The following ADAMTSL3 variants were observed in gnomAD, a reference collection of about 807,000 sequenced individuals.
ADAMTSL3 encodes the protein ADAMTS like 3, also known as ADAMTS-like protein 3.
ADAMTSL3 carries 128 observed loss-of-function variants against 201.7 expected under a neutral mutation model. The observed-to-expected ratio is 0.63, with a 90% CI of 0.55 to 0.73. The LOEUF is 0.73. Ranked by LOEUF, ADAMTSL3 falls within the 30% of genes least tolerant of loss-of-function variation. The pLI, the probability that ADAMTSL3 is intolerant of heterozygous loss-of-function variation, is 0.00. For missense variants in ADAMTSL3, 1,990 were observed against 2,119.6 expected, an observed-to-expected ratio of 0.94 and a Z score of 1.20; for synonymous variants, 738 against 748.4, an observed-to-expected ratio of 0.99 and a Z score of 0.23.
chr15:83,971,086 A>T (rs2067186649), intron 20 of ADAMTSL3, among the ~76,000 whole-genome samples: 2 of 152,356 alleles, frequency 1.3e-5, no homozygotes, highest in South Asian at 4.1e-4. Context: ...ACATGAAAGA[A>T]CTTTGATTTA....
chr15:83,893,533 GA>G (rs1481969885), intron 13 of ADAMTSL3, among the ~76,000 whole-genome samples: 1 of 152,188 alleles, frequency 6.6e-6, no homozygotes, highest in Non-Finnish European at 1.5e-5. Context: ...GTGTGTCCTT[GA>G]TCCAGTAGCC....
At position 83,667,958 on chromosome 15, in the gene ADAMTSL3, G is replaced by T. The variant is rs975144475; in HGVS notation, c.69+12128G>T. ...GAATGCTGAAAATGAAGAGAAGATA[G>T]GACTCCAGAGAAAAGAAAATAACAT... On this transcript the variant is annotated intron_variant, in intron 2 of 29. Transcript: ENST00000286744. 5.9e-5 allele frequency among the ~76,000 whole-genome samples: 9 copies of T among 151,810 alleles called. No homozygotes were observed. The East Asian group carries it at 1.7e-3, about 29-fold the overall frequency.
At chr15:84,004,074 G>A (rs1195463665) in intron 23 of ADAMTSL3, among the ~76,000 whole-genome samples, 2 of 152,180 alleles carry the variant, frequency 1.3e-5, no homozygotes, top group African/African-American at 4.8e-5. Flanking sequence ...TAGGACCTGT[G>A]TAGAATTTTG....
intron 3 of ADAMTSL3, chr15:83,717,576 G>A (rs376067877): frequency 6.6e-6 from 1 of 152,152 alleles, no homozygotes; most frequent in Non-Finnish European, 1.5e-5. Flanking sequence ...CGGGAGAAGC[G>A]ACAGAAGCTA....
At chr15:83,789,433 T>A (rs905125546) in intron 4 of ADAMTSL3, among the ~76,000 whole-genome samples, 1 of 150,118 alleles carries the variant, frequency 6.7e-6, no homozygotes, top group African/African-American at 2.4e-5. Context: ...TGTTTTCTTT[T>A]AAATTTTTTT....
chr15:83,942,967 A>G lies in ADAMTSL3; in HGVS notation c.2375A>G (p.Asp792Gly). 1 of 1,613,988 alleles carries G rather than the reference A, an allele frequency of 6.2e-7. No individual in the cohort carries two copies. The highest frequency in any genetic ancestry group is 8.5e-7 in the Non-Finnish European group (1 of 1,179,922). ...GTCACCTGTCGGCAGCTGCTAACGG[A>G]TGGCAGCTTTTTGAATCTCTCAGAT... ...RRVTCRQLLT[D>G]GSFLNLSDEL... The change falls in exon 19 of 30, where the codon GAT becomes GGT. Residue 792 changes from aspartate (D) to glycine (G), a missense_variant. Asp to Gly is a moderately conservative substitution (Grantham distance 94). Coordinates refer to ENST00000286744, the MANE Select transcript of ADAMTSL3 (RefSeq NM_207517.3).
At chr15:83,944,690 C>G (rs2066622798) in intron 19 of ADAMTSL3, among the ~76,000 whole-genome samples, 1 of 152,226 alleles carries the variant, frequency 6.6e-6, no homozygotes, top group Non-Finnish European at 1.5e-5. Context: ...CATGTATACA[C>G]TCCTGTCTTT....
intron 19 of ADAMTSL3, among the ~76,000 whole-genome samples, chr15:83,944,994 GT>G (rs1215723081): frequency 6.6e-6 from 1 of 152,150 alleles, no homozygotes; most frequent in Non-Finnish European, 1.5e-5. Flanking sequence ...TAACCGTGTA[GT>G]TTTGTTAAGT....
At chr15:83,771,182 T>A (rs1175652125) in intron 3 of ADAMTSL3, among the ~76,000 whole-genome samples, 2 of 151,460 alleles carry the variant, frequency 1.3e-5, no homozygotes, top group East Asian at 3.9e-4. Context: ...TTTTTTTTTT[T>A]TTATTTTAAT....
intron 3 of ADAMTSL3, among the ~76,000 whole-genome samples, chr15:83,721,264 C>G: frequency 6.6e-6 from 1 of 152,176 alleles, no homozygotes; most frequent in East Asian, 1.9e-4. Context: ...TTTGCCATGA[C>G]TTGATATCTG....
intron 15 of ADAMTSL3, among the ~76,000 whole-genome samples, chr15:83,911,903 A>C (rs1260897432): frequency 6.6e-6 from 1 of 152,184 alleles, no homozygotes; most frequent in African/African-American, 2.4e-5. Context: ...AAGGGTCTAT[A>C]TTCACTTAAG....
chr15:83,859,719 T>C (rs1423835050), intron 8 of ADAMTSL3, among the ~76,000 whole-genome samples: 3 of 152,172 alleles, frequency 2.0e-5, no homozygotes, highest in African/African-American at 4.8e-5. Flanking sequence ...AACTATTCTG[T>C]AGTGGGCAAA....
chr15:84,014,590 G>T lies in ADAMTSL3; in HGVS notation c.4022G>T (p.Ser1341Ile). The change falls in exon 24 of 30, where the codon AGT becomes ATT. Residue 1341 changes from serine to isoleucine, a missense_variant. By Grantham distance (142) the Ser-to-Ile change is moderately radical. Coordinates refer to ENST00000286744, the MANE Select transcript of ADAMTSL3 (RefSeq NM_207517.3). ...TGGTTGAAGAGAGGAGGATCTCTGA[G>T]TGGCAATGTTTCCTTGCTTTTCAAT... Reference protein sequence around the residue: ...ITWLKRGGSLSGNVSLLFNGS... With the variant: ...ITWLKRGGSLIGNVSLLFNGS... The T allele has an allele frequency of 6.8e-6, 11 of 1,614,144 alleles. No individual in the cohort carries two copies. Among genetic ancestry groups the T allele is most frequent in the Non-Finnish European group, 9.3e-6 (11 of 1,180,008 alleles).
At chr15:83,824,015 TCTTCTTTCTTC>T (rs961161645) in intron 6 of ADAMTSL3, among the ~76,000 whole-genome samples, 2 of 149,994 alleles carry the variant, frequency 1.3e-5, no homozygotes, top group African/African-American at 4.9e-5. Flanking sequence ...TCCTCTTCTT[TCTTCTTTCTTC>T]CTTCTTTCTT....
intron 3 of ADAMTSL3, among the ~76,000 whole-genome samples, chr15:83,761,023 C>T (rs1199294617): frequency 1.3e-5 from 2 of 152,074 alleles, no homozygotes; most frequent in Non-Finnish European, 2.9e-5. Flanking sequence ...ATCCATCTGC[C>T]TACATTCCTT....
rs140608219 is a variant in ADAMTSL3, at chr15:83,999,468, C to T, written c.3973+8254C>T. Among the ~76,000 whole-genome samples, 100 of 152,308 alleles carry T rather than the reference C, an allele frequency of 6.6e-4. 1 individual carries two copies. Among genetic ancestry groups the T allele is most frequent in the Middle Eastern group, 3.4e-3 (1 of 294 alleles). On this transcript the variant is annotated intron_variant, in intron 23 of 29. Transcript: ENST00000286744. ...ATGTCTAGAATTCTAAATACATTATCGCCAAATTGCCAGCTAGGAAGTCTG... is the reference window on the plus strand; with the variant it reads ...ATGTCTAGAATTCTAAATACATTATTGCCAAATTGCCAGCTAGGAAGTCTG...
intron 10 of ADAMTSL3, among the ~76,000 whole-genome samples, chr15:83,888,072 C>T (rs1334996967): frequency 1.3e-5 from 2 of 152,174 alleles, no homozygotes; most frequent in African/African-American, 2.4e-5. Context: ...GTTTCTCCTA[C>T]TTGGGTGCCC....
At chr15:83,843,583 A>G (rs563249187) in intron 7 of ADAMTSL3, among the ~76,000 whole-genome samples, 2 of 152,214 alleles carry the variant, frequency 1.3e-5, no homozygotes, top group African/African-American at 4.8e-5. Flanking sequence ...AAAGAAATGT[A>G]GGAAATGAAG....
chr15:83,657,701 A>C (rs1012884134), intron 2 of ADAMTSL3, among the ~76,000 whole-genome samples: 1 of 152,240 alleles, frequency 6.6e-6, no homozygotes, highest in Admixed American at 6.5e-5. Flanking sequence ...AGCTTGAAGC[A>C]AGCGCAGTGC....
Sources: allele counts gnomAD v4.1 joint callset (sites outside exome capture counted in the v4.1 genomes callset), GRCh38; gene constraint gnomAD v4.1.1; transcripts MANE v1.5; gene names NCBI Gene and HGNC (gene_info 2026-07-23, HGNC 2026-07-21).